FAM193A: variants seen among roughly 807,000 people sequenced by gnomAD.
The protein encoded by FAM193A is family with sequence similarity 193 member A, also known as protein FAM193A.
In FAM193A, 22 loss-of-function variants were observed where a neutral mutation model predicts 126.5. The ratio of observed to expected loss-of-function variants is 0.17; its 90% confidence interval spans 0.12 to 0.25. FAM193A has a LOEUF of 0.25. Among genes scored for constraint, FAM193A ranks in the 10% least tolerant of loss-of-function variants. FAM193A has a pLI of 1.00. For synonymous variants in FAM193A, 761 were observed against 646.8 expected (o/e 1.18, Z -2.68); for missense variants, 1,675 against 1,672.8 (o/e 1.00, Z -0.02).
intron 1 of FAM193A, 142 bp from the exon 2 acceptor site, chr4:2,595,942 G>GT (rs1367530404): frequency 1.7e-6 from 1 of 577,178 alleles, no homozygotes; most frequent in Non-Finnish European, 3.1e-6. Context: ...ATTAGGTTTA[G>GT]TTTTATTCAA....
At chr4:2,688,925 T>C (rs1400426882) in intron 13 of FAM193A, among the ~76,000 whole-genome samples, 1 of 152,212 alleles carries the variant, frequency 6.6e-6, no homozygotes, top group Non-Finnish European at 1.5e-5. Flanking sequence ...CAGACCCTGC[T>C]CACCTTCCCT....
chr4:2,643,193 GC>G (rs1335974820), intron 6 of FAM193A, among the ~76,000 whole-genome samples: 1 of 152,132 alleles, frequency 6.6e-6, no homozygotes, highest in African/African-American at 2.4e-5. Context: ...TTTGTGCTCT[GC>G]AGCTGACTCC....
At chr4:2,701,027 A>C (rs575409743) in intron 19 of FAM193A, among the ~76,000 whole-genome samples, 2 of 151,320 alleles carry the variant, frequency 1.3e-5, no homozygotes, top group Non-Finnish European at 2.9e-5. Context: ...TAGTTCCCCA[A>C]CATCAGTATT....
chr4:2,729,478 C>T (rs1721135877), intron 20 of FAM193A, among the ~76,000 whole-genome samples: 2 of 152,214 alleles, frequency 1.3e-5, no homozygotes, highest in African/African-American at 4.8e-5. Context: ...CACTTGGCCT[C>T]TTCCAAGTGC....
chr4:2,577,172 AGAC>A (rs201103221), intron 1 of FAM193A, among the ~76,000 whole-genome samples: 5 of 96,622 alleles, frequency 5.2e-5, no homozygotes, highest in Admixed American at 2.6e-4. Context: ...TTCTTTTTTG[AGAC>A]GAAGCCTCGC....
intron 2 of FAM193A, among the ~76,000 whole-genome samples, chr4:2,612,729 G>C (rs1741952412): frequency 6.6e-6 from 1 of 152,038 alleles, no homozygotes; most frequent in Non-Finnish European, 1.5e-5. Context: ...AAAATCAGTT[G>C]GTTCTGTATG....
intron 7 of FAM193A, among the ~76,000 whole-genome samples, chr4:2,652,236 T>A (rs973674472): frequency 3.3e-5 from 5 of 152,168 alleles, no homozygotes; most frequent in Non-Finnish European, 2.9e-5. Context: ...TGTCCTGGTG[T>A]TGAACAGGAG....
intron 1 of FAM193A, among the ~76,000 whole-genome samples, chr4:2,544,577 G>T (rs1335772763): frequency 6.6e-6 from 1 of 152,044 alleles, no homozygotes; most frequent in Non-Finnish European, 1.5e-5. Flanking sequence ...GGTGGTGGGC[G>T]CCTGTAATCC....
intron 1 of FAM193A, among the ~76,000 whole-genome samples, chr4:2,568,997 T>G (rs1442324723): frequency 2.4e-5 from 3 of 123,816 alleles, no homozygotes; most frequent in Non-Finnish European, 5.2e-5. Flanking sequence ...TTTTTTTTGA[T>G]CTTGCTCTGT....
At position 2,662,858 on chromosome 4, in the gene FAM193A, T is replaced by G; in HGVS notation, c.1766T>G (p.Val589Gly). The G allele has an allele frequency of 6.2e-7, 1 of 1,610,970 alleles. No homozygotes were observed. Among genetic ancestry groups the G allele is most frequent in the Non-Finnish European group, 8.5e-7 (1 of 1,177,296 alleles). Reference sequence around the variant, plus strand: ...GTCAGTTGTAGTGATGATGAAGATGTTGCACCATTGTCAGCCAAATTTGCT... The same window carrying G: ...GTCAGTTGTAGTGATGATGAAGATGGTGCACCATTGTCAGCCAAATTTGCT... Reference protein sequence around the residue: ...APTFCSDDEDVAPLSAKFADI... With the variant: ...APTFCSDDEDGAPLSAKFADI... Residue 589 changes from valine (V) to glycine (G), a missense_variant, in exon 11 of 21, where the codon GTT (valine) becomes GGT (glycine). By Grantham distance (109) the Val-to-Gly change is moderately radical. Coordinates refer to ENST00000637812, the MANE Select transcript of FAM193A (RefSeq NM_001366318.2).
chr4:2,626,983 T>C (rs992026843), intron 4 of FAM193A, among the ~76,000 whole-genome samples: 7 of 151,874 alleles, frequency 4.6e-5, no homozygotes, highest in Admixed American at 1.3e-4. Context: ...CTCTGTGAGG[T>C]TGGGTAGCTT....
chr4:2,607,090 G>C (rs527265791), intron 2 of FAM193A, among the ~76,000 whole-genome samples: 1 of 152,312 alleles, frequency 6.6e-6, no homozygotes, highest in Admixed American at 6.5e-5. Context: ...GAGATTCCTC[G>C]AGGCGGACTC....
intron 6 of FAM193A, among the ~76,000 whole-genome samples, chr4:2,644,483 T>C (rs1170350432): frequency 6.6e-6 from 1 of 152,198 alleles, no homozygotes; most frequent in East Asian, 1.9e-4. Flanking sequence ...GGCTGCAGTG[T>C]GGCAGATCCC....
At chr4:2,677,837 A>G (rs963194848) in intron 13 of FAM193A, among the ~76,000 whole-genome samples, 4 of 152,114 alleles carry the variant, frequency 2.6e-5, no homozygotes, top group Admixed American at 2.6e-4. Flanking sequence ...AAAATACATC[A>G]TTGGCATTTT....
intron 1 of FAM193A, among the ~76,000 whole-genome samples, chr4:2,561,311 A>T (rs139121169): frequency 2.5e-3 from 377 of 149,720 alleles, no homozygotes; most frequent in African/African-American, 8.1e-3. Flanking sequence ...CCTCCTGAGT[A>T]GCTGGGAGTA....
intron 10 of FAM193A, among the ~76,000 whole-genome samples, chr4:2,661,572 T>C (rs1231109672): frequency 2.0e-5 from 3 of 152,230 alleles, no homozygotes; most frequent in African/African-American, 7.2e-5. Context: ...CCTAGGACTC[T>C]GCACCTTGTG....
chr4:2,712,591 G>C (rs989263864), intron 19 of FAM193A, among the ~76,000 whole-genome samples: 13 of 152,138 alleles, frequency 8.5e-5, no homozygotes, highest in Non-Finnish European at 1.5e-4. Context: ...CTTGGTTTTA[G>C]GACGTTCTCT....
chr4:2,665,706 C>A (rs1035586073), intron 12 of FAM193A, among the ~76,000 whole-genome samples: 22 of 152,164 alleles, frequency 1.4e-4, no homozygotes, highest in African/African-American at 4.6e-4. Context: ...AAAAAACTTT[C>A]TGTAGAGAGA....
At chr4:2,570,819 C>T (rs765089536) in intron 1 of FAM193A, among the ~76,000 whole-genome samples, 4 of 152,128 alleles carry the variant, frequency 2.6e-5, no homozygotes, top group Non-Finnish European at 4.4e-5. Context: ...TAGGAGAATG[C>T]GTATTTACTG....
Sources: allele counts gnomAD v4.1 joint callset (sites outside exome capture counted in the v4.1 genomes callset), GRCh38; gene constraint gnomAD v4.1.1; transcripts MANE v1.5; gene names NCBI Gene and HGNC (gene_info 2026-07-23, HGNC 2026-07-21).